STAG2: variants seen among roughly 807,000 people sequenced by gnomAD.
STAG2 encodes the protein cohesin subunit SA-2.
A neutral mutation model predicts 108.1 loss-of-function variants in STAG2; 14 were observed. The observed-to-expected ratio is 0.13, with a 90% CI of 0.09 to 0.20. The LOEUF is 0.20. STAG2 is among the 10% of genes least tolerant of loss of function. The probability of loss-of-function intolerance (pLI) is 1.00; values close to 1 mark genes in which losing one functional copy is unlikely to be tolerated. For missense variants in STAG2, 440 were observed against 940.9 expected, an observed-to-expected ratio of 0.47 and a Z score of 6.96; for synonymous variants, 307 against 302.7, an observed-to-expected ratio of 1.01 and a Z score of -0.15.
intron 16 of STAG2, 142 bp from the exon 17 acceptor site, chrX:124,061,629 G>A: frequency 2.2e-6 from 1 of 461,736 alleles, no homozygotes; most frequent in East Asian, 4.0e-5. Context: ...CTGTGATAAA[G>A]TAATGGGATT....
At chrX:124,072,051 T>C (rs1167497101) in intron 25 of STAG2, among the ~76,000 whole-genome samples, 1 of 111,393 alleles carries the variant, frequency 9.0e-6, no homozygotes, top group Non-Finnish European at 1.9e-5. Context: ...TCTCACTCTG[T>C]TGCCCAGCCT....
At chrX:124,099,369 A>G (rs909862635) in intron 34 of STAG2, among the ~76,000 whole-genome samples, 3 of 111,175 alleles carry the variant, frequency 2.7e-5, no homozygotes, top group African/African-American at 9.8e-5. Flanking sequence ...GCCTTTAAAC[A>G]TTATCTCGGT....
chrX:124,047,719 G>A (rs2057915828), intron 9 of STAG2, among the ~76,000 whole-genome samples: 1 of 111,878 alleles, frequency 8.9e-6, no homozygotes, highest in Admixed American at 9.5e-5. Context: ...ATTAAGAGTG[G>A]CTTTAAGTAA....
Position 124,083,561 on chromosome X carries a change from C to G in STAG2, c.3053+12C>G, listed in dbSNP as rs2148446783. The G allele has an allele frequency of 8.8e-7, 1 of 1,140,287 alleles. No individual in the cohort carries two copies. Among genetic ancestry groups the G allele is most frequent in the Non-Finnish European group, 1.2e-6 (1 of 857,223 alleles). 94.0% of individuals were successfully genotyped at this position (1,140,287 alleles called of 1,213,427 possible). On this transcript the variant is annotated intron_variant, in intron 29 of 34. Coordinates refer to ENST00000371145, the MANE Select transcript of STAG2 (RefSeq NM_001042750.2). Reference sequence around the variant, plus strand: ...GACAAAAGAACAGTGTATGTATTTGCTGGAAATGTCCTATTTAATTTCATT... The same window carrying G: ...GACAAAAGAACAGTGTATGTATTTGGTGGAAATGTCCTATTTAATTTCATT...
At chrX:124,055,277 G>A (rs1382666940) in intron 13 of STAG2, among the ~76,000 whole-genome samples, 2 of 112,480 alleles carry the variant, frequency 1.8e-5, no homozygotes, top group Non-Finnish European at 3.8e-5. Context: ...GAGGATCTGT[G>A]TGCTTCAACT....
intron 13 of STAG2, among the ~76,000 whole-genome samples, chrX:124,052,856 G>A (rs2058084393): frequency 2.9e-5 from 3 of 102,897 alleles, no homozygotes; most frequent in East Asian, 3.0e-4. Flanking sequence ...TCACTCTGTC[G>A]CCCAGGCTGG....
chrX:124,022,370 CAAAAA>C (rs5903652), intron 2 of STAG2, among the ~76,000 whole-genome samples, 156 bp from the exon 3 acceptor site: 6 of 78,614 alleles, frequency 7.6e-5, no homozygotes, highest in Admixed American at 5.8e-4. Flanking sequence ...GACTGTGTCT[CAAAAA>C]AAAAAAAAAA....
chrX:123,971,302 G>A (rs2054342887), intron 1 of STAG2, among the ~76,000 whole-genome samples: 1 of 111,543 alleles, frequency 9.0e-6, no homozygotes, highest in Non-Finnish European at 1.9e-5. Context: ...GGTGGCATGT[G>A]CCTGTAATCC....
At chrX:124,086,470 C>A in intron 29 of STAG2, 77 bp from the exon 30 acceptor site, 1 of 788,536 alleles carries the variant, frequency 1.3e-6, no homozygotes. Flanking sequence ...AGTAATATGC[C>A]TATGCTCGCA....
chrX:123,960,618 A>G (rs2053803463), upstream of STAG2: 1 of 98,398 alleles, frequency 1.0e-5, no homozygotes, highest in African/African-American at 3.8e-5. Flanking sequence ...AAAAAAAAAA[A>G]AAAAAAAAAA....
Position 124,028,981 on chromosome X carries a change from T to A in STAG2, c.124-1980T>A, listed in dbSNP as rs773410985. The stretch of plus-strand genomic sequence containing the variant: ...TTAATATTTATTTATTTATTTATTT[T>A]TATTTATATATATATATATATATAT... On this transcript the variant is annotated intron_variant, in intron 4 of 34. Coordinates refer to ENST00000371145, the MANE Select transcript of STAG2 (RefSeq NM_001042750.2). Among the ~76,000 whole-genome samples, 296 of 80,465 alleles carry A rather than the reference T, an allele frequency of 3.7e-3. 1 individual carries two copies. The highest frequency in any genetic ancestry group is 0.035 in the East Asian group (69 of 1,994). The allele number at this position is 80,465 out of a possible 115,157, so 69.9% of individuals were successfully genotyped here. A position where few individuals can be genotyped will look rare whatever the true frequency, so the allele number is the denominator to read the frequency against.
At chrX:124,000,110 G>A (rs1001359452) in intron 1 of STAG2, among the ~76,000 whole-genome samples, 2 of 109,737 alleles carry the variant, frequency 1.8e-5, no homozygotes, top group Non-Finnish European at 3.8e-5. Context: ...TTCAGTCAAC[G>A]ATGGACCACG....
intron 1 of STAG2, among the ~76,000 whole-genome samples, chrX:124,018,552 G>A (rs1602866329): frequency 9.0e-6 from 1 of 111,156 alleles, no homozygotes; most frequent in East Asian, 2.8e-4. Context: ...CCAGGCTGGA[G>A]TGCAATGGTG....
At chrX:123,978,209 C>T (rs1440266882) in intron 1 of STAG2, among the ~76,000 whole-genome samples, 1 of 100,443 alleles carries the variant, frequency 1.0e-5, no homozygotes, top group Non-Finnish European at 2.0e-5. Flanking sequence ...GCAGGATGTG[C>T]AGGTTTGTTA....
chrX:124,039,487 C>T (rs186917663), intron 6 of STAG2, among the ~76,000 whole-genome samples: 1 of 109,809 alleles, frequency 9.1e-6, no homozygotes, highest in Non-Finnish European at 1.9e-5. Context: ...GGCTGTGTTG[C>T]CCAGGCTGAT....
intron 34 of STAG2, among the ~76,000 whole-genome samples, chrX:124,099,448 G>A (rs2059459587): frequency 9.0e-6 from 1 of 111,372 alleles, no homozygotes; most frequent in Admixed American, 9.6e-5. Flanking sequence ...CCTGAAGCAT[G>A]CGGGAAGGGG....
chrX:123,982,247 G>A (rs2054910379), intron 1 of STAG2, among the ~76,000 whole-genome samples: 1 of 110,593 alleles, frequency 9.0e-6, no homozygotes, highest in Non-Finnish European at 1.9e-5. Flanking sequence ...TGAGGCTGGA[G>A]GATCCCTTGC....
At chrX:123,981,040 C>G (rs1414314134) in intron 1 of STAG2, among the ~76,000 whole-genome samples, 1 of 111,151 alleles carries the variant, frequency 9.0e-6, no homozygotes, top group African/African-American at 3.3e-5. Context: ...CTTCATTTTT[C>G]TGCTTCTTGA....
At chrX:123,989,640 T>C (rs2055353395) in intron 1 of STAG2, among the ~76,000 whole-genome samples, 1 of 106,109 alleles carries the variant, frequency 9.4e-6, no homozygotes, top group East Asian at 2.9e-4. Context: ...AATTTTGCTC[T>C]GTTGCCCAGG....
Sources: allele counts gnomAD v4.1 joint callset (sites outside exome capture counted in the v4.1 genomes callset), GRCh38; gene constraint gnomAD v4.1.1; transcripts MANE v1.5; gene names NCBI Gene and HGNC (gene_info 2026-07-23, HGNC 2026-07-21).